The following SLC12A6 variants were observed in gnomAD, a reference collection of about 807,000 sequenced individuals.
The protein encoded by SLC12A6 is K-Cl cotransporter 3.
A neutral mutation model predicts 135.3 loss-of-function variants in SLC12A6; 66 were observed. The ratio of observed to expected loss-of-function variants is 0.49; its 90% CI spans 0.40 to 0.60. The LOEUF (loss-of-function observed/expected upper bound fraction) is 0.60. Ranked by LOEUF, SLC12A6 falls within the 20% of genes least tolerant of loss-of-function variation. The probability of loss-of-function intolerance (pLI) is 0.00; values close to 1 mark genes in which losing one functional copy is unlikely to be tolerated. For missense variants in SLC12A6, 1,058 were observed against 1,452.3 expected (o/e 0.73, Z 4.41); for synonymous variants, 513 against 508.8 (o/e 1.01, Z -0.11).
intron 2 of SLC12A6, among the ~76,000 whole-genome samples, chr15:34,313,882 A>G (rs1019879287): frequency 3.3e-5 from 5 of 151,922 alleles, no homozygotes; most frequent in African/African-American, 1.2e-4. Flanking sequence ...GAGATAGGAC[A>G]ATCACTTGAG....
At chr15:34,256,938 G>A (rs1276007710) in intron 6 of SLC12A6, among the ~76,000 whole-genome samples, 1 of 152,136 alleles carries the variant, frequency 6.6e-6, no homozygotes, top group Non-Finnish European at 1.5e-5. Context: ...CAGCCTTGAG[G>A]TTTTAAGCCT....
intron 6 of SLC12A6, 89 bp downstream of exon 6, chr15:34,257,553 C>CT (rs1316093920): frequency 3.3e-5 from 32 of 974,924 alleles, no homozygotes; most frequent in Non-Finnish European, 4.8e-5. Context: ...CCTAAGTATT[C>CT]TTTGTTTTAT....
In SLC12A6 at chr15:34,328,542, A is replaced by T. The variant is rs149283805; in HGVS notation, c.271+7868T>A. 2.6e-5 allele frequency among the ~76,000 whole-genome samples: 4 copies of T among 152,326 alleles called. No individual in the cohort carries two copies. The East Asian group carries it at 7.7e-4, about 29-fold the overall frequency. On this transcript the variant is annotated intron_variant, in intron 2 of 25. Transcript: ENST00000354181. Reference sequence around the variant, plus strand: ...CATGTGTATATGTTGTATGTTCTGCAGTTTTGTGCTTGTACCTTCAAATGT... The same window carrying T: ...CATGTGTATATGTTGTATGTTCTGCTGTTTTGTGCTTGTACCTTCAAATGT...
At chr15:34,284,982 T>A (rs372998316) in intron 2 of SLC12A6, among the ~76,000 whole-genome samples, 1 of 152,194 alleles carries the variant, frequency 6.6e-6, no homozygotes, top group African/African-American at 2.4e-5. Flanking sequence ...GACCGGATTA[T>A]CAGACAGAAT....
rs371322623 is a variant in SLC12A6, at chr15:34,235,431, A to ATTTTTTTTTTTTTTT, written c.3228-132_3228-118dup. The ATTTTTTTTTTTTTTT allele has an allele frequency of 3.8e-5, 19 of 503,420 alleles. 1 individual carries two copies. Among genetic ancestry groups the ATTTTTTTTTTTTTTT allele is most frequent in the Non-Finnish European group, 5.4e-5 (16 of 293,746 alleles). 31.2% of individuals were successfully genotyped at this position (503,420 alleles called of 1,614,324 possible). On this transcript the variant is annotated intron_variant, in intron 24 of 25. Transcript: ENST00000354181. ...TGACTATGGATAATCTGATAAAATG[A>ATTTTTTTTTTTTTTT]TTTTTTTTTTTTTTTTTTTTGAGAG... is the stretch of plus-strand genomic sequence containing the variant.
At position 34,250,721 on chromosome 15, in the gene SLC12A6, C is replaced by A; in HGVS notation, c.1501G>T (p.Ala501Ser). Residue 501 changes from alanine to serine, a missense_variant, in exon 12 of 26, where the codon GCT (alanine) becomes TCT (serine). Physicochemically the swap from Ala to Ser is moderately conservative, Grantham distance 99 (BLOSUM62 1). This residue lies in a region of SLC12A6 where 297 missense variants were observed against 318.5 expected (regional missense o/e 0.93). Coordinates refer to ENST00000354181, the MANE Select transcript of SLC12A6 (RefSeq NM_001365088.1). ...AGATCTCCAGATCTGTTTGATCCAG[C>A]CATGATACCTTTAGAGATAAGGGGG... is the stretch of plus-strand genomic sequence containing the variant. ...IFFPSVTGIM[A>S]GSNRSGDLKD... The A allele has an allele frequency of 1.3e-6, 2 of 1,588,218 alleles. No homozygotes were observed. Among genetic ancestry groups the A allele is most frequent in the Non-Finnish European group, 1.7e-6 (2 of 1,156,430 alleles).
chr15:34,271,631 A>ACACAC (rs914018238), intron 3 of SLC12A6, among the ~76,000 whole-genome samples: 1 of 152,040 alleles, frequency 6.6e-6, no homozygotes, highest in Non-Finnish European at 1.5e-5. Context: ...ACACACACAG[A>ACACAC]AAAGTTCATA....
At position 34,235,431 on chromosome 15, in the gene SLC12A6, A is replaced by ATTTTTTTTTTTTTTTTTTTTTTTT. The variant is rs371322623; in HGVS notation, c.3228-118_3228-117insAAAAAAAAAAAAAAAAAAAAAAAA. On this transcript the variant is annotated intron_variant, in intron 24 of 25. Coordinates refer to ENST00000354181, the MANE Select transcript of SLC12A6 (RefSeq NM_001365088.1). Reference sequence around the variant, plus strand: ...TGACTATGGATAATCTGATAAAATGATTTTTTTTTTTTTTTTTTTTGAGAG... The same window carrying ATTTTTTTTTTTTTTTTTTTTTTTT: ...TGACTATGGATAATCTGATAAAATGATTTTTTTTTTTTTTTTTTTTTTTTTTTTTTTTTTTTTTTTTTTTGAGAG... 1.6e-5 allele frequency: 7 copies of ATTTTTTTTTTTTTTTTTTTTTTTT among 426,200 alleles called. No individual in the cohort carries two copies. The African/African-American group carries it at 1.7e-4, about 10-fold the overall frequency. The allele number at this position is 426,200 out of a possible 1,614,324, so 26.4% of individuals were successfully genotyped here.
chr15:34,333,401 T>C (rs1480600793), intron 2 of SLC12A6, among the ~76,000 whole-genome samples: 1 of 151,966 alleles, frequency 6.6e-6, no homozygotes, highest in Non-Finnish European at 1.5e-5. Context: ...GGCTAATTTT[T>C]TGTATTTTTA....
In SLC12A6 at chr15:34,232,801, C is replaced by T. The variant is rs940223816; in HGVS notation, c.*1080G>A. On this transcript the variant is annotated 3_prime_UTR_variant, in exon 26 of 26. Coordinates refer to ENST00000354181, the MANE Select transcript of SLC12A6 (RefSeq NM_001365088.1). ...GAGTAGCCGCTCAGTAACGTTGGCA[C>T]TAAAGAAAGAGTGTGGCTCTAGAAC... 2 of 152,510 alleles carry T rather than the reference C, an allele frequency of 1.3e-5. No individual in the cohort carries two copies. The highest frequency in any genetic ancestry group is 4.8e-5 in the African/African-American group (2 of 41,402). The allele number at this position is 152,510 out of a possible 1,614,324, so 9.4% of individuals were successfully genotyped here.
intron 2 of SLC12A6, among the ~76,000 whole-genome samples, chr15:34,301,209 G>C (rs1158350228): frequency 6.6e-6 from 1 of 151,490 alleles, no homozygotes; most frequent in Non-Finnish European, 1.5e-5. Context: ...CCTCAGGTGA[G>C]GTCAGGGATT....
chr15:34,238,004 T>C (rs558088794), intron 21 of SLC12A6, among the ~76,000 whole-genome samples: 1 of 152,350 alleles, frequency 6.6e-6, no homozygotes, highest in Non-Finnish European at 1.5e-5. Context: ...AGGGCTCATA[T>C]GGAACTTTAT....
intron 5 of SLC12A6, 143 bp downstream of exon 5, chr15:34,258,670 T>C: frequency 2.6e-6 from 2 of 773,042 alleles, no homozygotes; most frequent in South Asian, 2.8e-5. Context: ...CTTTGTGCTA[T>C]GACGCTGGTG....
intron 23 of SLC12A6, 38 bp downstream of exon 23, chr15:34,236,670 T>C (rs1274133874): frequency 2.5e-6 from 3 of 1,187,618 alleles, no homozygotes; most frequent in Admixed American, 1.7e-5. Context: ...TGACAGACTT[T>C]AGAGAGCACG....
chr15:34,305,462 G>T (rs1490275967), intron 2 of SLC12A6, among the ~76,000 whole-genome samples: 1 of 141,446 alleles, frequency 7.1e-6, no homozygotes, highest in Non-Finnish European at 1.5e-5. Context: ...GTCAATAATT[G>T]TTCATACTCA....
chr15:34,264,679 G>A (rs1297012972), intron 3 of SLC12A6, among the ~76,000 whole-genome samples: 1 of 152,094 alleles, frequency 6.6e-6, no homozygotes, highest in Non-Finnish European at 1.5e-5. Context: ...AAAAGGGCAA[G>A]TAAAATCATA....
At chr15:34,328,761 T>A (rs59452641) in intron 2 of SLC12A6, among the ~76,000 whole-genome samples, 20,895 of 152,058 alleles carry the variant, frequency 0.14, 1,577 homozygotes, top group East Asian at 0.33. Context: ...TGCATGCCTG[T>A]AGTCCCAGCT....
At chr15:34,255,498 T>TA (rs781634354) in intron 7 of SLC12A6, 106 bp from the exon 8 acceptor site, 2 of 837,784 alleles carry the variant, frequency 2.4e-6, no homozygotes, top group Middle Eastern at 2.3e-4. Flanking sequence ...GTTAAATGTT[T>TA]CAGGCTTCTG....
rs1892314949 is a variant in SLC12A6 at position 34,250,536 on chromosome 15, C to G, written c.1591+95G>C. ...TGGCAAGAAGTGAAGTGATAGAAAG[C>G]AGGTATCTTTGTTACCAGGATAAAA... On this transcript the variant is annotated intron_variant, in intron 12 of 25. Transcript: ENST00000354181. 5.9e-6 allele frequency: 5 copies of G among 848,838 alleles called. 1 individual carries two copies. The highest frequency in any genetic ancestry group is 5.4e-5 in the South Asian group (4 of 74,516). The allele number at this position is 848,838 out of a possible 1,614,324, so 52.6% of individuals were successfully genotyped here.
Sources: allele counts gnomAD v4.1 joint callset (sites outside exome capture counted in the v4.1 genomes callset), GRCh38; gene constraint gnomAD v4.1.1; regional missense constraint gnomAD v4.1.1; transcripts MANE v1.5; gene names NCBI Gene and HGNC (gene_info 2026-07-23, HGNC 2026-07-21).